RPS29: variants seen among roughly 807,000 people sequenced by gnomAD.
RPS29 encodes small ribosomal subunit protein uS14.
For synonymous variants in RPS29, 37 were observed against 26.9 expected (o/e 1.37, Z -1.16); for missense variants, 60 against 75.7 (o/e 0.79, Z 0.77).
chr14:49,594,897 G>A (rs1881786514), intron 1 of RPS29, among the ~76,000 whole-genome samples: 7 of 152,258 alleles, frequency 4.6e-5, no homozygotes, highest in Admixed American at 2.0e-4. Context: ...CTGAGCCTCT[G>A]GAACCAATGA....
downstream of RPS29, among the ~76,000 whole-genome samples, chr14:49,581,396 G>C (rs551773170): frequency 2.1e-4 from 32 of 152,098 alleles, no homozygotes; most frequent in Non-Finnish European, 3.7e-4. Context: ...TCTAAGACAA[G>C]TCTCAAAGTC....
chr14:49,578,350 T>C (rs1215999494), intron 2 of RPS29, among the ~76,000 whole-genome samples: 1 of 152,156 alleles, frequency 6.6e-6, no homozygotes, highest in Non-Finnish European at 1.5e-5. Context: ...AAATGAGTCT[T>C]AATCAGATAC....
chr14:49,583,614 T>A lies in RPS29; in HGVS notation c.*53A>T. 1 of 1,570,792 alleles carries A rather than the reference T, an allele frequency of 6.4e-7. No individual in the cohort carries two copies. The highest frequency in any genetic ancestry group is 1.2e-5 in the South Asian group (1 of 84,380). On this transcript the variant is annotated 3_prime_UTR_variant, in exon 3 of 3. Transcript: ENST00000245458. ...TGTTTATTTTATATACAAAGAATTA[T>A]CATGGTTTTTCATTGAGTAGATGCC...
exon 3 of RPS29, chr14:49,573,501 C>T (rs1881107637): frequency 6.6e-6 from 1 of 151,184 alleles, no homozygotes; most frequent in Non-Finnish European, 1.5e-5. Context: ...AAGGTGACTT[C>T]TCCCCAAGAG....
At chr14:49,582,971 T>C (rs1881386125), downstream of RPS29, among the ~76,000 whole-genome samples, 2 of 152,220 alleles carry the variant, frequency 1.3e-5, no homozygotes, top group Non-Finnish European at 2.9e-5. Context: ...CCTGTATCTA[T>C]TCAAAAGTGT....
At chr14:49,590,374 G>A (rs1254232282), upstream of RPS29, among the ~76,000 whole-genome samples, 1 of 152,006 alleles carries the variant, frequency 6.6e-6, no homozygotes, top group Non-Finnish European at 1.5e-5. Context: ...TACTCTGGAG[G>A]CTGAGGCAGG....
chr14:49,582,915 C>A (rs1881383738), downstream of RPS29, among the ~76,000 whole-genome samples: 1 of 152,232 alleles, frequency 6.6e-6, no homozygotes, highest in African/African-American at 2.4e-5. Flanking sequence ...CTCCCAACTG[C>A]TTTTCCCCAC....
chr14:49,593,231 C>A (rs538628627), intron 1 of RPS29, among the ~76,000 whole-genome samples: 1 of 152,286 alleles, frequency 6.6e-6, no homozygotes, highest in African/African-American at 2.4e-5. Flanking sequence ...TACAAATATG[C>A]ATTGAGTACC....
chr14:49,583,795 C>G (rs1018789245), intron 2 of RPS29, 120 bp from the exon 3 acceptor site: 2 of 617,248 alleles, frequency 3.2e-6, no homozygotes, highest in Non-Finnish European at 5.8e-6. Context: ...TTGACCTATC[C>G]AAACCACACC....
chr14:49,583,156 T>C (rs755916772), downstream of RPS29, among the ~76,000 whole-genome samples: 59 of 152,276 alleles, frequency 3.9e-4, no homozygotes, highest in Non-Finnish European at 7.2e-4. Context: ...AAAAATAAAA[T>C]TGGCATTTAC....
intron 2 of RPS29, among the ~76,000 whole-genome samples, chr14:49,584,000 T>G (rs1257041348): frequency 9.2e-5 from 14 of 152,180 alleles, no homozygotes; most frequent in South Asian, 2.1e-4. Context: ...CATTTTTTTT[T>G]TGAGAGAGAG....
At chr14:49,587,361 C>A (rs1020790128), upstream of RPS29, among the ~76,000 whole-genome samples, 3 of 152,174 alleles carry the variant, frequency 2.0e-5, no homozygotes, top group African/African-American at 4.8e-5. Flanking sequence ...CTGAAAGATA[C>A]CTACATTCCA....
chr14:49,592,746 G>A (rs753465526), intron 1 of RPS29, among the ~76,000 whole-genome samples: 1 of 150,992 alleles, frequency 6.6e-6, no homozygotes, highest in Non-Finnish European at 1.5e-5. Flanking sequence ...ACGTGTCTAC[G>A]AAAAACACAA....
At chr14:49,588,551 G>A (rs1385876889), upstream of RPS29, among the ~76,000 whole-genome samples, 2 of 151,130 alleles carry the variant, frequency 1.3e-5, no homozygotes, top group Admixed American at 6.6e-5. Context: ...TTTTTGAGAC[G>A]GAGTCTCACT....
intron 1 of RPS29, chr14:49,598,326 G>C (rs1246923733): frequency 3.2e-6 from 2 of 617,910 alleles, no homozygotes; most frequent in East Asian, 2.7e-5. Context: ...TCAAGAGTAC[G>C]AAGGCCTTGT....
downstream of RPS29, among the ~76,000 whole-genome samples, chr14:49,583,059 G>A (rs533837537): frequency 2.3e-4 from 35 of 152,202 alleles, no homozygotes; most frequent in African/African-American, 7.7e-4. Flanking sequence ...TGCCCAGGGT[G>A]GTCTCCTGGG....
chr14:49,598,298 T>C, intron 1 of RPS29: 1 of 606,396 alleles, frequency 1.6e-6, no homozygotes, highest in Non-Finnish European at 3.0e-6. Flanking sequence ...CCCGTCCTAG[T>C]TCAATCAATC....
At chr14:49,598,369 C>T (rs1302531836) in intron 1 of RPS29, 1 of 659,504 alleles carries the variant, frequency 1.5e-6, no homozygotes, top group Admixed American at 2.2e-5. Context: ...GTCTCAGGTG[C>T]AGTTAAGCCA....
chr14:49,586,556 G>A (rs755026035), upstream of RPS29: 2 of 579,930 alleles, frequency 3.4e-6, no homozygotes, highest in Non-Finnish European at 3.1e-6. Context: ...AGCTTCTAGT[G>A]CTATTCTGCG....
Sources: gnomAD v4.1 joint callset for allele counts (sites outside exome capture counted in the v4.1 genomes callset) on GRCh38, gnomAD v4.1.1 for gene constraint, MANE v1.5 for transcripts, NCBI Gene and HGNC (gene_info 2026-07-23, HGNC 2026-07-21) for gene names.